The following MPP7 variants were observed in gnomAD, a reference collection of about 807,000 sequenced individuals.
The protein encoded by MPP7 is MAGUK p55 scaffold protein 7, also known as MAGUK p55 subfamily member 7.
A neutral mutation model predicts 76.5 loss-of-function variants in MPP7; 60 were observed. The ratio of observed to expected loss-of-function variants is 0.78; its 90% CI spans 0.64 to 0.97. The LOEUF is 0.97. Among genes scored for constraint, MPP7 ranks in the 50% least tolerant of loss-of-function variants. The pLI, the probability that MPP7 is intolerant of heterozygous loss-of-function variation, is 0.00. For missense variants in MPP7, 641 were observed against 694.0 expected, an observed-to-expected ratio of 0.92 and a Z score of 0.86; for synonymous variants, 237 against 244.5, an observed-to-expected ratio of 0.97 and a Z score of 0.29.
At chr10:28,066,988 G>A (rs1654080359) in intron 13 of MPP7, among the ~76,000 whole-genome samples, 1 of 152,108 alleles carries the variant, frequency 6.6e-6, no homozygotes, top group Non-Finnish European at 1.5e-5. Flanking sequence ...GAGCTCTTAT[G>A]AATAATGACT....
intron 1 of MPP7, among the ~76,000 whole-genome samples, chr10:28,247,725 T>C (rs965825336): frequency 2.0e-5 from 3 of 152,222 alleles, no homozygotes; most frequent in African/African-American, 4.8e-5. Flanking sequence ...TAATGTTATA[T>C]TGTAGAGAAC....
chr10:28,218,684 A>G (rs79666473), intron 2 of MPP7, among the ~76,000 whole-genome samples: 1,999 of 152,308 alleles, frequency 0.013, 24 homozygotes, highest in South Asian at 0.034. Flanking sequence ...CCAAAAAAAG[A>G]AAATCAAGAT....
At chr10:28,297,502 C>G (rs1034832384) in intron 1 of MPP7, among the ~76,000 whole-genome samples, 18 of 152,138 alleles carry the variant, frequency 1.2e-4, no homozygotes, top group African/African-American at 4.3e-4. Context: ...AGTTCAAGAC[C>G]AGCCTGGTCA....
intron 1 of MPP7, among the ~76,000 whole-genome samples, chr10:28,281,526 A>G (rs1424764807): frequency 1.3e-5 from 2 of 152,146 alleles, no homozygotes; most frequent in African/African-American, 4.8e-5. Context: ...TTCTATGAGT[A>G]GGAAGAGATG....
chr10:28,274,416 T>C lies in MPP7; in HGVS notation c.-132+28445A>G, dbSNP rs1222844566. On this transcript the variant is annotated intron_variant, in intron 1 of 16. Coordinates refer to ENST00000683449, the MANE Select transcript of MPP7 (RefSeq NM_001318170.2). The stretch of plus-strand genomic sequence containing the variant: ...GCCCGGCCAAAATTTTTTTAAAATA[T>C]TACATTTATAGTTATCAAAGCTCCC... 3.3e-5 allele frequency among the ~76,000 whole-genome samples: 5 copies of C among 152,082 alleles called. No homozygotes were observed. In the East Asian group the frequency reaches 9.6e-4, roughly 29 times the overall value.
At chr10:28,161,031 C>T (rs1836241594) in intron 3 of MPP7, among the ~76,000 whole-genome samples, 1 of 152,144 alleles carries the variant, frequency 6.6e-6, no homozygotes, top group Non-Finnish European at 1.5e-5. Context: ...TGGCTGATTG[C>T]TGCCACCGTT....
At chr10:28,231,748 T>C (rs147362246) in intron 2 of MPP7, among the ~76,000 whole-genome samples, 436 of 152,254 alleles carry the variant, frequency 2.9e-3, no homozygotes, top group Non-Finnish European at 4.7e-3. Context: ...CCAAAAATCT[T>C]ATCAAAAAGA....
chr10:28,162,171 T>C (rs1452721667), intron 3 of MPP7, among the ~76,000 whole-genome samples: 4 of 152,184 alleles, frequency 2.6e-5, no homozygotes, highest in Non-Finnish European at 5.9e-5. Flanking sequence ...GAAACACTGT[T>C]TTCCATCAAA....
At chr10:28,065,109 A>C (rs1851939066) in intron 13 of MPP7, among the ~76,000 whole-genome samples, 1 of 152,212 alleles carries the variant, frequency 6.6e-6, no homozygotes, top group African/African-American at 2.4e-5. Context: ...AGTATTGTTG[A>C]AAATCAAATT....
At chr10:28,089,176 G>A (rs1853165789) in intron 12 of MPP7, among the ~76,000 whole-genome samples, 1 of 152,128 alleles carries the variant, frequency 6.6e-6, no homozygotes, top group Non-Finnish European at 1.5e-5. Flanking sequence ...GCCTCCCAAA[G>A]TGCTGGGATT....
At chr10:28,235,379 G>A (rs190107654) in intron 2 of MPP7, among the ~76,000 whole-genome samples, 8 of 152,180 alleles carry the variant, frequency 5.3e-5, no homozygotes, top group East Asian at 1.9e-4. Context: ...TACTGTCTTC[G>A]TAATTTTTCT....
intron 1 of MPP7, among the ~76,000 whole-genome samples, chr10:28,270,536 G>T (rs1228293430): frequency 7.8e-6 from 1 of 128,990 alleles, no homozygotes; most frequent in Non-Finnish European, 1.6e-5. Flanking sequence ...AAAAAAAGGG[G>T]GGGGGGGAGG....
chr10:28,104,757 G>A (rs1419571101), intron 11 of MPP7, among the ~76,000 whole-genome samples: 1 of 152,054 alleles, frequency 6.6e-6, no homozygotes, highest in East Asian at 1.9e-4. Context: ...CTTTTTAAAA[G>A]TCTTTTTATA....
chr10:28,330,743 C>T (rs78275702), intron 1 of MPP7, among the ~76,000 whole-genome samples: 54 of 152,272 alleles, frequency 3.5e-4, no homozygotes, highest in Non-Finnish European at 6.0e-4. Context: ...TAAAATTGAG[C>T]TTCTGGGCTC....
At chr10:28,181,238 G>C (rs1208955834) in intron 3 of MPP7, among the ~76,000 whole-genome samples, 1 of 152,004 alleles carries the variant, frequency 6.6e-6, no homozygotes, top group Non-Finnish European at 1.5e-5. Context: ...CGTGAAAATG[G>C]AAAGAATGAT....
chr10:28,248,279 G>A (rs1209720474), intron 1 of MPP7, among the ~76,000 whole-genome samples: 4 of 152,258 alleles, frequency 2.6e-5, no homozygotes, highest in South Asian at 2.1e-4. Context: ...AGGGCTAGAA[G>A]GGGAACCTGG....
At chr10:28,205,420 C>T (rs949849131) in intron 2 of MPP7, among the ~76,000 whole-genome samples, 4 of 152,100 alleles carry the variant, frequency 2.6e-5, no homozygotes, top group African/African-American at 9.7e-5. Flanking sequence ...GATTCAAGGG[C>T]AAATGATGAG....
At chr10:28,212,699 C>G (rs1838179979) in intron 2 of MPP7, among the ~76,000 whole-genome samples, 1 of 152,168 alleles carries the variant, frequency 6.6e-6, no homozygotes, top group African/African-American at 2.4e-5. Context: ...GACCAGCAAC[C>G]ACTCCGAGTG....
At chr10:28,285,295 C>T (rs1444631942) in intron 1 of MPP7, among the ~76,000 whole-genome samples, 4 of 152,198 alleles carry the variant, frequency 2.6e-5, no homozygotes. Flanking sequence ...AATGATTCTC[C>T]TGCCTCAGCC....
Sources: gnomAD v4.1 joint callset for allele counts (sites outside exome capture counted in the v4.1 genomes callset) on GRCh38, gnomAD v4.1.1 for gene constraint, MANE v1.5 for transcripts, NCBI Gene and HGNC (gene_info 2026-07-23, HGNC 2026-07-21) for gene names.